Variants in FBXL19 observed in about 807,000 individuals in gnomAD.
FBXL19 encodes F-box and leucine rich repeat protein 19, also known as F-box/LRR-repeat protein 19.
In FBXL19, 16 loss-of-function variants were observed where a neutral mutation model predicts 71.2. That is an observed-to-expected ratio of 0.22 (90% CI 0.15 to 0.34). The LOEUF is 0.34. FBXL19 is among the 10% of genes least tolerant of loss of function. FBXL19 has a pLI of 1.00. For synonymous variants in FBXL19, 447 were observed against 409.4 expected, an observed-to-expected ratio of 1.09 and a Z score of -1.11; for missense variants, 658 against 968.2, an observed-to-expected ratio of 0.68 and a Z score of 4.25.
Position 30,925,456 on chromosome 16 carries a change from G to A in FBXL19, c.-24-275G>A, listed in dbSNP as rs562324796. On this transcript the variant is annotated intron_variant, in intron 1 of 10. Coordinates refer to ENST00000338343, the MANE Select transcript of FBXL19 (RefSeq NM_001382779.1). This position sits in a 1 kb window ranked among gnomAD's most constrained non-coding sequence, Gnocchi z 5.0. ...TGGGGATGGCAGAGGAGAGGGCCTC[G>A]GTGTCCCCTCCTGCTCCCTGGGCTA... is the stretch of plus-strand genomic sequence containing the variant. Among the ~76,000 whole-genome samples the A allele has an allele frequency of 6.9e-4, 105 of 152,214 alleles. 1 individual carries two copies. The highest frequency in any genetic ancestry group is 6.8e-3 in the Middle Eastern group (2 of 294).
intron 9 of FBXL19, among the ~76,000 whole-genome samples, chr16:30,943,055 A>G (rs918604829): frequency 6.6e-6 from 1 of 152,236 alleles, no homozygotes; most frequent in African/African-American, 2.4e-5. Flanking sequence ...CTGGTCCCCC[A>G]GCACGTTCTC....
chr16:30,947,193 G>A lies in FBXL19; in HGVS notation c.1988G>A (p.Arg663His), dbSNP rs772722567. The A allele has an allele frequency of 5.1e-5, 82 of 1,597,802 alleles. No individual in the cohort carries two copies. The highest frequency in any genetic ancestry group is 2.0e-4 in the East Asian group (9 of 44,812). Residue 663 changes from arginine to histidine, a missense_variant, in exon 11 of 11, where the codon CGC (arginine) becomes CAC (histidine). Transcript: ENST00000338343. ...LAAAGPPGPF[R>H]CPEEKLLLKD... ...GCTGCCGGGCCCCCTGGCCCCTTCC[G>A]CTGCCCTGAGGAGAAGCTGCTTCTC...
In FBXL19 at chr16:30,925,748, G is replaced by A. The variant is rs2055582636; in HGVS notation, c.-7G>A. ...ACCTACAGCCCTCGGCGTTGCTGAC[G>A]CCCCCAATGTCGTCGAGCAGCCGGG... On this transcript the variant is annotated 5_prime_UTR_variant, in exon 2 of 11. Coordinates refer to ENST00000338343, the MANE Select transcript of FBXL19 (RefSeq NM_001382779.1). This position sits in a 1 kb window ranked among gnomAD's most constrained non-coding sequence, Gnocchi z 5.0. The A allele has an allele frequency of 6.1e-6, 9 of 1,486,028 alleles. No homozygotes were observed. Among genetic ancestry groups the A allele is most frequent in the Admixed American group, 2.6e-5 (1 of 38,194 alleles). 92.1% of individuals were successfully genotyped at this position (1,486,028 alleles called of 1,614,324 possible).
intron 7 of FBXL19, among the ~76,000 whole-genome samples, chr16:30,937,653 A>G (rs1596654743): frequency 6.6e-6 from 1 of 152,134 alleles, no homozygotes; most frequent in African/African-American, 2.4e-5. Flanking sequence ...AAGAGGAGGC[A>G]CTGGAGCCGA....
In FBXL19 at chr16:30,946,628, T is replaced by C; in HGVS notation, c.1628-102T>C. The stretch of plus-strand genomic sequence containing the variant: ...AGAGCAAGCCACAGAGTGCACCAGG[T>C]CACTCACTTATGTGGGAAGCAGGTG... On this transcript the variant is annotated intron_variant, in intron 9 of 10. Transcript: ENST00000338343. This position sits in a 1 kb window ranked among gnomAD's most constrained non-coding sequence, Gnocchi z 6.7. 1 of 1,120,134 alleles carries C rather than the reference T, an allele frequency of 8.9e-7. No individual in the cohort carries two copies. The highest frequency in any genetic ancestry group is 1.3e-6 in the Non-Finnish European group (1 of 783,712). The allele number at this position is 1,120,134 out of a possible 1,614,324, so 69.4% of individuals were successfully genotyped here.
Position 30,925,694 on chromosome 16 carries a change from AG to A in FBXL19, c.-24-36del. 6.8e-7 allele frequency: 1 copy of A among 1,470,740 alleles called. No homozygotes were observed. Among genetic ancestry groups the A allele is most frequent in the South Asian group, 1.3e-5 (1 of 74,152 alleles). The allele number at this position is 1,470,740 out of a possible 1,614,324, so 91.1% of individuals were successfully genotyped here. On this transcript the variant is annotated intron_variant, in intron 1 of 10. Transcript: ENST00000338343. The surrounding 1 kb of genome is among the most constrained non-coding windows in gnomAD (Gnocchi z 5.0). The stretch of plus-strand genomic sequence containing the variant: ...CAGGGGTCTCCCAGGCCAGGGCCCC[AG>A]TGGGCCCATCTGACCCTGCCACCAT...
chr16:30,940,675 G>T (rs544490969), intron 7 of FBXL19, among the ~76,000 whole-genome samples: 1 of 152,068 alleles, frequency 6.6e-6, no homozygotes, highest in African/African-American at 2.4e-5. Context: ...TTGTTTGTTT[G>T]TTTGTTTTTG....
chr16:30,927,434 C>A lies in FBXL19; in HGVS notation c.304C>A (p.His102Asn). 6.3e-7 allele frequency: 1 copy of A among 1,590,842 alleles called. No individual in the cohort carries two copies. The highest frequency in any genetic ancestry group is 2.3e-5 in the East Asian group (1 of 43,840). Reference sequence around the variant, plus strand: ...GTGTACAATCTGCAACGAGATCGTCCACCCCGGCTGCCTGAAGGTGATGGC... The same window carrying A: ...GTGTACAATCTGCAACGAGATCGTCAACCCCGGCTGCCTGAAGGTGATGGC... ...MECTICNEIVHPGCLKMGKAE... is the reference protein window; with the variant it reads ...MECTICNEIVNPGCLKMGKAE... Residue 102 changes from histidine (H) to asparagine (N), a missense_variant, in exon 3 of 11, where the codon CAC becomes AAC. His to Asn is a moderately conservative substitution (Grantham distance 68). Coordinates refer to ENST00000338343, the MANE Select transcript of FBXL19 (RefSeq NM_001382779.1).
rs180745118 is a variant in FBXL19, at chr16:30,925,880, C to T, written c.126C>T (p.Phe42=). ...DCHFCRDMKK[F]GGPGRMKQSC... is the part of the protein sequence containing the mutation. ...ACTTCTGCCGAGACATGAAGAAGTT[C>T]GGGGGGCCCGGGCGCATGAAGCAGT... Residue 42 remains phenylalanine, a synonymous_variant, in exon 2 of 11, where the codon TTC becomes TTT. Coordinates refer to ENST00000338343, the MANE Select transcript of FBXL19 (RefSeq NM_001382779.1). This position sits in a 1 kb window ranked among gnomAD's most constrained non-coding sequence, Gnocchi z 5.0. 462 of 1,503,708 alleles carry T rather than the reference C, an allele frequency of 3.1e-4. 3 individuals are homozygous for T. The East Asian group carries it at 9.9e-3, about 32-fold the overall frequency. The allele number at this position is 1,503,708 out of a possible 1,614,324, so 93.1% of individuals were successfully genotyped here.
In FBXL19 at chr16:30,942,100, C is replaced by A; in HGVS notation, c.1302-16C>A. The A allele has an allele frequency of 2.6e-6, 4 of 1,550,312 alleles. No individual in the cohort carries two copies. The highest frequency in any genetic ancestry group is 3.5e-6 in the Non-Finnish European group (4 of 1,143,420). On this transcript the variant is annotated splice_polypyrimidine_tract_variant and intron_variant, in intron 7 of 10. Transcript: ENST00000338343. This position sits in a 1 kb window ranked among gnomAD's most constrained non-coding sequence, Gnocchi z 5.7. Reference sequence around the variant, plus strand: ...GCTGAGGGCTGAGGTCTCTGTCTCCCCCCTATGGCCGCCAGGTGCTATGAC... The same window carrying A: ...GCTGAGGGCTGAGGTCTCTGTCTCCACCCTATGGCCGCCAGGTGCTATGAC...
In FBXL19 at chr16:30,946,762, G is replaced by T. The variant is rs375493822; in HGVS notation, c.1660G>T (p.Val554Leu). The T allele has an allele frequency of 6.2e-7, 1 of 1,613,410 alleles. No individual in the cohort carries two copies. Among genetic ancestry groups the T allele is most frequent in the South Asian group, 1.1e-5 (1 of 90,980 alleles). ...QTESRGRLQG[V>L]AELRLAGLEL... Reference sequence around the variant, plus strand: ...AGAGAGCCGTGGTCGGCTGCAGGGGGTGGCAGAACTGCGTCTGGCAGGTTT... The same window carrying T: ...AGAGAGCCGTGGTCGGCTGCAGGGGTTGGCAGAACTGCGTCTGGCAGGTTT... Residue 554 changes from valine (V) to leucine (L), a missense_variant, in exon 10 of 11, where the codon GTG becomes TTG. Val to Leu is a conservative substitution (Grantham distance 32). Around this residue, in one of 8 missense-constraint regions of FBXL19, gnomAD observed 25 missense variants for 25.0 expected, o/e 1.00. Coordinates refer to ENST00000338343, the MANE Select transcript of FBXL19 (RefSeq NM_001382779.1). The surrounding 1 kb of genome is among the most constrained non-coding windows in gnomAD (Gnocchi z 6.7).
intron 7 of FBXL19, among the ~76,000 whole-genome samples, chr16:30,939,514 C>T (rs1596655460): frequency 1.4e-5 from 2 of 146,296 alleles, no homozygotes; most frequent in East Asian, 2.1e-4. Flanking sequence ...CCCAGATTCA[C>T]GCCATTCTCC....
chr16:30,942,634 T>A lies in FBXL19; in HGVS notation c.1627+98T>A. 7.0e-7 allele frequency: 1 copy of A among 1,433,432 alleles called. No individual in the cohort carries two copies. The highest frequency in any genetic ancestry group is 1.4e-5 in the African/African-American group (1 of 69,792). The allele number at this position is 1,433,432 out of a possible 1,614,324, so 88.8% of individuals were successfully genotyped here. ...TGACTCATGCTGGATGGTAAAGTAT[T>A]TGAAGAAAGGAAAGAATACATGAGT... On this transcript the variant is annotated intron_variant, in intron 9 of 10. Transcript: ENST00000338343. The surrounding 1 kb of genome is among the most constrained non-coding windows in gnomAD (Gnocchi z 5.7).
At chr16:30,945,524 G>C (rs1016995278) in intron 9 of FBXL19, among the ~76,000 whole-genome samples, 1 of 151,838 alleles carries the variant, frequency 6.6e-6, no homozygotes, top group Non-Finnish European at 1.5e-5. Flanking sequence ...TTAGCCAGGC[G>C]TGGTGGCAAA....
At position 30,923,827 on chromosome 16, in the gene FBXL19, C is replaced by CT. The variant is rs2055555701; in HGVS notation, c.-656dup. Among the ~76,000 whole-genome samples the CT allele has an allele frequency of 8.6e-6, 1 of 116,712 alleles. No homozygotes were observed. Among genetic ancestry groups the CT allele is most frequent in the Admixed American group, 8.4e-5 (1 of 11,950 alleles). The allele number at this position is 116,712 out of a possible 152,430, so 76.6% of individuals were successfully genotyped here. ...GGGAGAGGTCGGGGGTGCGCGCGGG[C>CT]TGGGGGGGGCGGGGCCGGAGCAGCT... On this transcript the variant is annotated 5_prime_UTR_variant, in exon 1 of 11. Coordinates refer to ENST00000338343, the MANE Select transcript of FBXL19 (RefSeq NM_001382779.1).
Position 30,924,424 on chromosome 16 carries a change from C to A in FBXL19, c.-60C>A. 3.7e-6 allele frequency: 1 copy of A among 272,078 alleles called. No homozygotes were observed. The highest frequency in any genetic ancestry group is 1.5e-4 in the South Asian group (1 of 6,490). The allele number at this position is 272,078 out of a possible 1,614,324, so 16.9% of individuals were successfully genotyped here. On this transcript the variant is annotated 5_prime_UTR_variant, in exon 1 of 11. Transcript: ENST00000338343. ...TGGCCGCCGACCCGCCGGGAGCTGC[C>A]GAGAAGGGAGAGATGGCTCCCGGGA...
At chr16:30,945,846 G>A (rs1239083499) in intron 9 of FBXL19, among the ~76,000 whole-genome samples, 8 of 103,852 alleles carry the variant, frequency 7.7e-5, no homozygotes, top group Non-Finnish European at 1.5e-4. Context: ...ACTCCGTCTC[G>A]GGGAAAAAAA....
intron 7 of FBXL19, among the ~76,000 whole-genome samples, chr16:30,941,523 T>C (rs2055802315): frequency 6.6e-6 from 1 of 152,148 alleles, no homozygotes; most frequent in South Asian, 2.1e-4. Flanking sequence ...GGAATTTACA[T>C]TGTAGTTGGA....
At chr16:30,939,609 G>A (rs1469974160) in intron 7 of FBXL19, among the ~76,000 whole-genome samples, 1 of 150,802 alleles carries the variant, frequency 6.6e-6, no homozygotes, top group Non-Finnish European at 1.5e-5. Flanking sequence ...TAGTAGAGAC[G>A]GGGTTTCACT....
Sources: gnomAD v4.1 joint callset for allele counts (sites outside exome capture counted in the v4.1 genomes callset) on GRCh38, gnomAD v4.1.1 for gene constraint, gnomAD v4.1.1 regional missense constraint, Gnocchi (gnomAD v3.1) non-coding constraint, MANE v1.5 for transcripts, NCBI Gene and HGNC (gene_info 2026-07-23, HGNC 2026-07-21) for gene names.